SORBS2: variants seen among roughly 807,000 people sequenced by gnomAD.
The protein encoded by SORBS2 is sorbin and SH3 domain containing 2.
SORBS2 carries 46 observed loss-of-function variants against 97.7 expected under a neutral mutation model. The observed-to-expected ratio is 0.47, with a 90% confidence interval of 0.37 to 0.60. SORBS2 has a LOEUF of 0.60. SORBS2 is among the 20% of genes least tolerant of loss of function. The pLI is 0.00. For synonymous variants in SORBS2, 476 were observed against 473.4 expected (o/e 1.01, Z -0.07); for missense variants, 1,316 against 1,282.3 (o/e 1.03, Z -0.40).
intron 2 of SORBS2, among the ~76,000 whole-genome samples, chr4:185,760,176 G>T (rs764075432): frequency 6.6e-6 from 1 of 152,194 alleles, no homozygotes; most frequent in Non-Finnish European, 1.5e-5. Context: ...ACTATGTTTT[G>T]TTTCCATCGA....
intron 2 of SORBS2, among the ~76,000 whole-genome samples, chr4:185,692,144 T>C (rs1561945365): frequency 6.6e-6 from 1 of 152,218 alleles, no homozygotes; most frequent in African/African-American, 2.4e-5. Flanking sequence ...AAAGACACGC[T>C]GATAAGGTAG....
upstream of SORBS2, chr4:185,657,373 T>G: frequency 6.9e-7 from 1 of 1,449,454 alleles, no homozygotes; most frequent in Non-Finnish European, 9.1e-7. Flanking sequence ...ATCCGTCCTT[T>G]GTGGAGTCTG....
At chr4:185,834,717 TAATATTATAG>T (rs1055456519) in intron 1 of SORBS2, among the ~76,000 whole-genome samples, 1 of 152,214 alleles carries the variant, frequency 6.6e-6, no homozygotes, top group African/African-American at 2.4e-5. Flanking sequence ...GATTTTTAAT[TAATATTATAG>T]AATATCAGTA....
intron 1 of SORBS2, among the ~76,000 whole-genome samples, chr4:185,823,108 C>G (rs572833684): frequency 1.6e-4 from 25 of 152,326 alleles, no homozygotes; most frequent in African/African-American, 5.5e-4. Flanking sequence ...GACTCTTCCC[C>G]TGCCCGCTCC....
At chr4:185,712,038 C>A (rs554161465) in intron 2 of SORBS2, among the ~76,000 whole-genome samples, 3 of 152,232 alleles carry the variant, frequency 2.0e-5, no homozygotes, top group Admixed American at 6.5e-5. Context: ...TGAACAGAAG[C>A]CAGAGAAATT....
intron 1 of SORBS2, among the ~76,000 whole-genome samples, chr4:185,827,284 AT>A (rs2099201147): frequency 6.7e-6 from 1 of 148,376 alleles, no homozygotes; most frequent in Non-Finnish European, 1.5e-5. Flanking sequence ...CACCATCATC[AT>A]CACCATCATC....
At chr4:185,808,579 A>C (rs769341918) in intron 1 of SORBS2, among the ~76,000 whole-genome samples, 2 of 152,206 alleles carry the variant, frequency 1.3e-5, no homozygotes, top group African/African-American at 2.4e-5. Context: ...GAGTGATTCT[A>C]AGAGAATATT....
chr4:185,592,728 T>A (rs1561277002), intron 13 of SORBS2: 1 of 152,242 alleles, frequency 6.6e-6, no homozygotes, highest in Non-Finnish European at 1.5e-5. Flanking sequence ...ACTAATTTTT[T>A]ATTTTTATTT....
chr4:185,921,863 C>T (rs1018682146), intron 1 of SORBS2, among the ~76,000 whole-genome samples: 2 of 152,228 alleles, frequency 1.3e-5, no homozygotes, highest in African/African-American at 4.8e-5. Flanking sequence ...TATCAACACT[C>T]TTCAGCACCT....
At chr4:185,746,787 G>C (rs2098763915) in intron 2 of SORBS2, among the ~76,000 whole-genome samples, 1 of 152,220 alleles carries the variant, frequency 6.6e-6, no homozygotes, top group South Asian at 2.1e-4. Flanking sequence ...TTTATGAAGA[G>C]ACTTTCTTCT....
intron 2 of SORBS2, among the ~76,000 whole-genome samples, chr4:185,753,329 G>A (rs1215997356): frequency 1.3e-5 from 2 of 152,168 alleles, no homozygotes; most frequent in Non-Finnish European, 2.9e-5. Context: ...AAAGATAGAT[G>A]CGGCTAGAAA....
intron 1 of SORBS2, among the ~76,000 whole-genome samples, chr4:185,823,268 A>T (rs72705720): frequency 0.071 from 10,838 of 152,262 alleles, 565 homozygotes; most frequent in Middle Eastern, 0.16. Context: ...TTGGCAAAAT[A>T]AGCTTCTAAA....
intron 1 of SORBS2, among the ~76,000 whole-genome samples, chr4:185,931,492 C>T (rs996793634): frequency 5.3e-5 from 8 of 152,052 alleles, no homozygotes; most frequent in South Asian, 2.1e-4. Context: ...AAGCAGGCTG[C>T]GGGTGAGCAG....
In SORBS2 at chr4:185,623,172, C is replaced by G. The variant is rs768904883; in HGVS notation, c.1957G>C (p.Gly653Arg). The change falls in exon 7 of 15, where the codon GGG becomes CGG. Residue 653 changes from glycine to arginine, a missense_variant. By Grantham distance (125) the Gly-to-Arg change is moderately radical. Transcript: ENST00000418609. The surrounding 1 kb of genome is among the most constrained non-coding windows in gnomAD (Gnocchi z 6.4). ...AGGATGCTGTTGTCCGGCAAGCTCC[C>G]CCTTTTCTTTTCAGCTTTAATTTGG... 1 of 1,613,964 alleles carries G rather than the reference C, an allele frequency of 6.2e-7. No homozygotes were observed. Among genetic ancestry groups the G allele is most frequent in the Non-Finnish European group, 8.5e-7 (1 of 1,180,026 alleles).
chr4:185,835,463 G>A (rs1259477225), intron 1 of SORBS2, among the ~76,000 whole-genome samples: 1 of 152,112 alleles, frequency 6.6e-6, no homozygotes, highest in African/African-American at 2.4e-5. Flanking sequence ...ACATTCAGGT[G>A]AACTTATGAC....
intron 11 of SORBS2, 134 bp from the exon 24 acceptor site, chr4:185,612,114 G>A (rs1428404663): frequency 7.8e-6 from 5 of 641,142 alleles, no homozygotes; most frequent in South Asian, 3.9e-5. Flanking sequence ...TTTAATCAGG[G>A]GAGGGCAAGT....
chr4:185,698,381 C>A (rs1013017462), intron 2 of SORBS2, among the ~76,000 whole-genome samples: 2 of 152,102 alleles, frequency 1.3e-5, no homozygotes, highest in African/African-American at 4.8e-5. Context: ...GAGGCTGAGG[C>A]AGGAGAATGG....
In SORBS2 at chr4:185,623,883, C is replaced by T. The variant is rs1581200720; in HGVS notation, c.1246G>A (p.Glu416Lys). The T allele has an allele frequency of 1.2e-6, 2 of 1,614,136 alleles. No individual in the cohort carries two copies. Among genetic ancestry groups the T allele is most frequent in the Non-Finnish European group, 1.7e-6 (2 of 1,180,020 alleles). ...GACTTCTGGATCAGCTTTTCGAATTCGGAGATGCGTGTGGGCACCATGTCC... is the reference window on the plus strand; with the variant it reads ...GACTTCTGGATCAGCTTTTCGAATTTGGAGATGCGTGTGGGCACCATGTCC... Residue 416 changes from glutamate (E) to lysine (K), a missense_variant, in exon 7 of 15, where the codon GAA (glutamate) becomes AAA (lysine). Transcript: ENST00000418609. This position sits in a 1 kb window ranked among gnomAD's most constrained non-coding sequence, Gnocchi z 6.4.
chr4:185,851,712 G>C (rs1238534250), intron 1 of SORBS2, among the ~76,000 whole-genome samples: 5 of 152,118 alleles, frequency 3.3e-5, no homozygotes, highest in Non-Finnish European at 7.4e-5. Context: ...AGCACGGCCA[G>C]AATAAAAAGC....
Sources: gnomAD v4.1 joint callset for allele counts (sites outside exome capture counted in the v4.1 genomes callset) on GRCh38, gnomAD v4.1.1 for gene constraint, Gnocchi (gnomAD v3.1) non-coding constraint, MANE v1.5 for transcripts, NCBI Gene and HGNC (gene_info 2026-07-23, HGNC 2026-07-21) for gene names.